Variants in AKAP6 observed in about 807,000 individuals in gnomAD.
AKAP6 encodes the protein A-kinase anchoring protein 6.
A neutral mutation model predicts 188.5 loss-of-function variants in AKAP6; 58 were observed. The observed-to-expected ratio is 0.31, with a 90% CI of 0.25 to 0.38. The LOEUF (loss-of-function observed/expected upper bound fraction) is 0.38. Ranked by LOEUF, AKAP6 falls within the 10% of genes least tolerant of loss-of-function variation. AKAP6 has a pLI of 1.00. For synonymous variants in AKAP6, 989 were observed against 998.6 expected, an observed-to-expected ratio of 0.99 and a Z score of 0.18; for missense variants, 2,710 against 2,740.0, an observed-to-expected ratio of 0.99 and a Z score of 0.24.
intron 2 of AKAP6, among the ~76,000 whole-genome samples, chr14:32,523,472 C>CT (rs553132622): frequency 0.11 from 15,239 of 142,718 alleles, 871 homozygotes; most frequent in African/African-American, 0.14. Flanking sequence ...CTCTCTCTCT[C>CT]TTTTTTTTTT....
chr14:32,519,258 C>T (rs1220383981), intron 2 of AKAP6, among the ~76,000 whole-genome samples: 1 of 152,236 alleles, frequency 6.6e-6, no homozygotes, highest in East Asian at 1.9e-4. Context: ...TTGTAAAGAC[C>T]ATTGAGGCTA....
intron 1 of AKAP6, among the ~76,000 whole-genome samples, chr14:32,395,533 T>G (rs1224162233): frequency 6.6e-6 from 1 of 152,168 alleles, no homozygotes; most frequent in Non-Finnish European, 1.5e-5. Flanking sequence ...AACTCGCCCT[T>G]ATGCTAGTTT....
intron 2 of AKAP6, among the ~76,000 whole-genome samples, chr14:32,462,919 A>AAAAAAAAAAAAG (rs1566517619): frequency 7.4e-6 from 1 of 134,934 alleles, no homozygotes; most frequent in East Asian, 2.1e-4. Context: ...AAAAAAAAAA[A>AAAAAAAAAAAAG]AAAAAAACCC....
chr14:32,811,626 CTCCAGATAGATA>C (rs2034237933), intron 12 of AKAP6, among the ~76,000 whole-genome samples: 1 of 152,186 alleles, frequency 6.6e-6, no homozygotes, highest in Non-Finnish European at 1.5e-5. Context: ...CTGATACTAA[CTCCAGATAGATA>C]GTGTCAACGT....
intron 7 of AKAP6, among the ~76,000 whole-genome samples, chr14:32,645,386 G>T (rs1887945392): frequency 6.6e-6 from 1 of 152,116 alleles, no homozygotes; most frequent in South Asian, 2.1e-4. Flanking sequence ...ATATTTGTGG[G>T]TAAACAGACA....
chr14:32,830,171 A>G lies in AKAP6; in HGVS notation c.*366A>G, dbSNP rs560507584. 1.9e-6 allele frequency: 1 copy of G among 530,216 alleles called. No homozygotes were observed. The highest frequency in any genetic ancestry group is 2.0e-5 in the African/African-American group (1 of 50,890). The allele number at this position is 530,216 out of a possible 1,614,324, so 32.8% of individuals were successfully genotyped here. On this transcript the variant is annotated 3_prime_UTR_variant, in exon 14 of 14. Coordinates refer to ENST00000280979, the MANE Select transcript of AKAP6 (RefSeq NM_004274.5). ...ACTCTTTAAAGTTCTGCAGTTCACC[A>G]ACTGGTAGTCCATTAAATTCTCCTG... is the stretch of plus-strand genomic sequence containing the variant.
rs975148841 is a variant in AKAP6, at chr14:32,764,720, A to G, written c.3373-8958A>G. 4.3e-4 allele frequency among the ~76,000 whole-genome samples: 56 copies of G among 131,102 alleles called. 1 individual carries two copies. Among genetic ancestry groups the G allele is most frequent in the African/African-American group, 8.1e-4 (29 of 35,798 alleles). The allele number at this position is 131,102 out of a possible 152,430, so 86.0% of individuals were successfully genotyped here. A position where few individuals can be genotyped will look rare whatever the true frequency, so the allele number is the denominator to read the frequency against. On this transcript the variant is annotated intron_variant, in intron 11 of 13. Transcript: ENST00000280979. ...TACACACACACACACACACACACGC[A>G]CACACACATATTGTAGTGTTGCTGT...
intron 7 of AKAP6, among the ~76,000 whole-genome samples, chr14:32,663,799 C>T (rs1446720064): frequency 6.6e-6 from 1 of 152,078 alleles, no homozygotes; most frequent in Admixed American, 6.6e-5. Context: ...ATGTCTGCAA[C>T]ACACTGGTTG....
At chr14:32,593,023 C>CACACAT (rs1402948366) in intron 5 of AKAP6, among the ~76,000 whole-genome samples, 2 of 139,382 alleles carry the variant, frequency 1.4e-5, no homozygotes, top group Non-Finnish European at 1.5e-5. Context: ...CACACACACA[C>CACACAT]ACACACACAC....
chr14:32,332,291 A>G (rs1407192897), intron 1 of AKAP6, among the ~76,000 whole-genome samples: 3 of 152,090 alleles, frequency 2.0e-5, no homozygotes, highest in Non-Finnish European at 4.4e-5. Context: ...CAGATCAGTC[A>G]TCTATACTCT....
chr14:32,342,700 T>C (rs1364404074), intron 1 of AKAP6, among the ~76,000 whole-genome samples: 1 of 152,114 alleles, frequency 6.6e-6, no homozygotes, highest in Non-Finnish European at 1.5e-5. Flanking sequence ...AGGAAGAAAA[T>C]GCAGTGTCAG....
At chr14:32,538,366 T>C (rs2139125504) in intron 3 of AKAP6, among the ~76,000 whole-genome samples, 1 of 152,304 alleles carries the variant, frequency 6.6e-6, no homozygotes, top group East Asian at 1.9e-4. Flanking sequence ...ACTGGTAAAT[T>C]AGAATAGTAG....
chr14:32,667,503 T>C (rs1486085769), intron 7 of AKAP6, among the ~76,000 whole-genome samples: 2 of 152,090 alleles, frequency 1.3e-5, no homozygotes, highest in Non-Finnish European at 2.9e-5. Flanking sequence ...CACTTTTCAA[T>C]TCTAAATCCC....
intron 11 of AKAP6, among the ~76,000 whole-genome samples, chr14:32,751,048 A>G (rs2032116592): frequency 6.6e-6 from 1 of 151,886 alleles, no homozygotes. Context: ...CATTCTTTAT[A>G]CTGCACTCTA....
rs559234878 is a variant in AKAP6 at position 32,686,615 on chromosome 14, TA to T, written c.2879+8163del. Among the ~76,000 whole-genome samples, 5 of 151,872 alleles carry T rather than the reference TA, an allele frequency of 3.3e-5. No individual in the cohort carries two copies. The South Asian group carries it at 6.3e-4, about 19-fold the overall frequency. ...TTAAAAATAAAAATTTTAAAATAAA[TA>T]AAAAAAGTAGAAGAGGGATATGTAG... On this transcript the variant is annotated intron_variant, in intron 8 of 13. Coordinates refer to ENST00000280979, the MANE Select transcript of AKAP6 (RefSeq NM_004274.5).
chr14:32,769,037 ATTTTTTTTT>A (rs544997334), intron 11 of AKAP6, among the ~76,000 whole-genome samples: 27 of 56,924 alleles, frequency 4.7e-4, no homozygotes, highest in South Asian at 2.0e-3. Context: ...TGCTCTTTTG[ATTTTTTTTT>A]TTTTTTTTTT....
chr14:32,548,285 A>G (rs1017784045), intron 4 of AKAP6, among the ~76,000 whole-genome samples: 1 of 152,000 alleles, frequency 6.6e-6, no homozygotes, highest in Non-Finnish European at 1.5e-5. Flanking sequence ...TATTTTTAGT[A>G]GAGACGGGGT....
chr14:32,706,340 C>A (rs1051808194), intron 9 of AKAP6, among the ~76,000 whole-genome samples: 6 of 152,098 alleles, frequency 3.9e-5, no homozygotes, highest in African/African-American at 1.4e-4. Flanking sequence ...TCTGTGAAAG[C>A]CCCCAAATGT....
intron 1 of AKAP6, among the ~76,000 whole-genome samples, chr14:32,376,849 A>G (rs944537171): frequency 8.5e-5 from 13 of 152,166 alleles, no homozygotes; most frequent in African/African-American, 3.1e-4. Context: ...GGTGCCCACC[A>G]TCATGACTGA....
Sources: allele counts gnomAD v4.1 joint callset (sites outside exome capture counted in the v4.1 genomes callset), GRCh38; gene constraint gnomAD v4.1.1; transcripts MANE v1.5; gene names NCBI Gene and HGNC (gene_info 2026-07-23, HGNC 2026-07-21).